Variants in PDE4D observed in about 807,000 individuals in gnomAD.
The protein encoded by PDE4D is phosphodiesterase 4D.
A neutral mutation model predicts 87.4 loss-of-function variants in PDE4D; 24 were observed. The ratio of observed to expected loss-of-function variants is 0.27; its 90% CI spans 0.20 to 0.39. PDE4D has a LOEUF of 0.39. Ranked by LOEUF, PDE4D falls within the 10% of genes least tolerant of loss-of-function variation. The pLI is 1.00. For missense variants in PDE4D, 714 were observed against 1,041.0 expected, an observed-to-expected ratio of 0.69 and a Z score of 4.32; for synonymous variants, 384 against 383.2, an observed-to-expected ratio of 1.00 and a Z score of -0.02.
chr5:59,060,359 ATCTC>A (rs10536982), intron 5 of PDE4D, among the ~76,000 whole-genome samples: 22,102 of 151,910 alleles, frequency 0.15, 3,124 homozygotes, highest in African/African-American at 0.36. Flanking sequence ...TCTATTTTAA[ATCTC>A]TCTATTTACT....
At chr5:59,005,904 T>C (rs1751509096) in intron 6 of PDE4D, among the ~76,000 whole-genome samples, 1 of 152,176 alleles carries the variant, frequency 6.6e-6, no homozygotes, top group Non-Finnish European at 1.5e-5. Context: ...AGGAGTGGAT[T>C]TGTTTATCCT....
chr5:59,769,023 C>T (rs1763172228), intron 1 of PDE4D, among the ~76,000 whole-genome samples: 1 of 152,088 alleles, frequency 6.6e-6, no homozygotes, highest in African/African-American at 2.4e-5. Flanking sequence ...CTATTTATCT[C>T]CCTACAGTCC....
chr5:60,012,670 C>T (rs1255414689), intron 2 of PDE4D, among the ~76,000 whole-genome samples: 1 of 152,150 alleles, frequency 6.6e-6, no homozygotes, highest in East Asian at 1.9e-4. Flanking sequence ...TGTGTGAGTA[C>T]TACAAATGCC....
chr5:59,199,067 C>G (rs562611766), intron 2 of PDE4D, among the ~76,000 whole-genome samples: 1 of 152,258 alleles, frequency 6.6e-6, no homozygotes, highest in East Asian at 1.9e-4. Flanking sequence ...AAAGGAGATA[C>G]AGTTAATTAG....
intron 1 of PDE4D, among the ~76,000 whole-genome samples, chr5:59,417,115 T>C (rs1200046400): frequency 6.6e-6 from 1 of 152,178 alleles, no homozygotes; most frequent in Non-Finnish European, 1.5e-5. Flanking sequence ...ACATATTGGC[T>C]GTATATCCTT....
At position 59,614,505 on chromosome 5, in the gene PDE4D, T is replaced by C. The variant is rs1829410532; in HGVS notation, c.455+278663A>G. ...TTGCTTCTATTATTGCATACAATCA[T>C]AGCTCAGAACTGTAAGAGTCTATGT... On this transcript the variant is annotated intron_variant, in intron 1 of 14. Transcript: ENST00000340635. 3.3e-5 allele frequency among the ~76,000 whole-genome samples: 5 copies of C among 152,330 alleles called. No individual in the cohort carries two copies. The South Asian group carries it at 1.0e-3, about 32-fold the overall frequency.
intron 1 of PDE4D, among the ~76,000 whole-genome samples, chr5:59,419,941 G>A (rs1794212122): frequency 1.3e-5 from 2 of 152,144 alleles, no homozygotes; most frequent in Admixed American, 6.5e-5. Context: ...AACTGAGATG[G>A]GAAGAGTGGT....
chr5:60,107,541 C>T (rs1176074888), intron 2 of PDE4D, among the ~76,000 whole-genome samples: 2 of 152,110 alleles, frequency 1.3e-5, no homozygotes, highest in East Asian at 1.9e-4. Flanking sequence ...CAAAGCCAGG[C>T]AGAGACACAA....
chr5:59,803,849 A>T (rs966294897), intron 1 of PDE4D, among the ~76,000 whole-genome samples: 5 of 152,208 alleles, frequency 3.3e-5, no homozygotes, highest in African/African-American at 1.2e-4. Flanking sequence ...GTCTTAAAAT[A>T]GGAAATAGAA....
At chr5:59,504,745 C>T (rs1483864833) in intron 1 of PDE4D, among the ~76,000 whole-genome samples, 1 of 152,052 alleles carries the variant, frequency 6.6e-6, no homozygotes, top group African/African-American at 2.4e-5. Flanking sequence ...TCAGCATGGC[C>T]TCACCCACTA....
chr5:59,800,868 T>C (rs1767047528), intron 1 of PDE4D, among the ~76,000 whole-genome samples: 1 of 152,234 alleles, frequency 6.6e-6, no homozygotes, highest in South Asian at 2.1e-4. Context: ...ATAGAATGTG[T>C]ACAAAAATGC....
chr5:59,473,401 A>G (rs1439471099), intron 1 of PDE4D, among the ~76,000 whole-genome samples: 2 of 152,110 alleles, frequency 1.3e-5, no homozygotes, highest in African/African-American at 4.8e-5. Context: ...TACACTAATA[A>G]TTATATCTAA....
At chr5:59,790,352 A>C (rs2152645031) in intron 1 of PDE4D, among the ~76,000 whole-genome samples, 1 of 152,352 alleles carries the variant, frequency 6.6e-6, no homozygotes, top group East Asian at 1.9e-4. Flanking sequence ...TTTAAGACCA[A>C]AGGCACATTT....
intron 2 of PDE4D, among the ~76,000 whole-genome samples, chr5:60,106,674 C>T (rs1211180996): frequency 6.6e-6 from 1 of 152,042 alleles, no homozygotes. Context: ...GACCACAGTG[C>T]AATCAAACTG....
intron 1 of PDE4D, among the ~76,000 whole-genome samples, chr5:59,829,625 T>C (rs1561729566): frequency 6.6e-6 from 1 of 152,060 alleles, no homozygotes; most frequent in Non-Finnish European, 1.5e-5. Flanking sequence ...CACATTCCAT[T>C]GAAAAAACAT....
rs148622703 is a variant in PDE4D at position 59,999,144 on chromosome 5, G to A, written c.43-10427C>T. ...AAACAGATGAGAAAAGGCATTTCAC[G>A]TCAACCATGACAGCCCTTCCTCCAA... is the stretch of plus-strand genomic sequence containing the variant. On this transcript the variant is annotated intron_variant, in intron 2 of 16. Transcript: ENST00000502484. Among the ~76,000 whole-genome samples the A allele has an allele frequency of 2.2e-3, 342 of 152,226 alleles. 1 individual carries two copies. Among genetic ancestry groups the A allele is most frequent in the Non-Finnish European group, 3.8e-3 (260 of 68,006 alleles).
chr5:59,625,441 G>A (rs1830789709), intron 1 of PDE4D, among the ~76,000 whole-genome samples: 1 of 151,804 alleles, frequency 6.6e-6, no homozygotes, highest in Admixed American at 6.6e-5. Context: ...CCTTGAGTTT[G>A]AGACTCTGAG....
chr5:59,637,682 A>G (rs111355231), intron 1 of PDE4D, among the ~76,000 whole-genome samples: 2,845 of 152,192 alleles, frequency 0.019, 83 homozygotes, highest in African/African-American at 0.064. Context: ...GTTCTCACTC[A>G]TAAGTGGGAG....
intron 1 of PDE4D, among the ~76,000 whole-genome samples, chr5:60,283,493 A>G (rs1435104835): frequency 6.6e-6 from 1 of 152,200 alleles, no homozygotes; most frequent in Non-Finnish European, 1.5e-5. Context: ...GAGGTACTAA[A>G]TGCTCTACTG....
Sources: allele counts gnomAD v4.1 joint callset (sites outside exome capture counted in the v4.1 genomes callset), GRCh38; gene constraint gnomAD v4.1.1; transcripts MANE v1.5; gene names NCBI Gene and HGNC (gene_info 2026-07-23, HGNC 2026-07-21).